The following FAT1 variants were observed in gnomAD, a reference collection of about 807,000 sequenced individuals.
FAT1 encodes FAT atypical cadherin 1.
A neutral mutation model predicts 329.8 loss-of-function variants in FAT1; 171 were observed. The observed-to-expected ratio is 0.52, with a 90% confidence interval of 0.46 to 0.59. The LOEUF is 0.59. Ranked by LOEUF, FAT1 falls within the 20% of genes least tolerant of loss-of-function variation. The pLI is 0.00. For missense variants in FAT1, 5,672 were observed against 5,774.4 expected (o/e 0.98, Z 0.57); for synonymous variants, 2,233 against 2,228.6 (o/e 1.00, Z -0.06).
intron 3 of FAT1, among the ~76,000 whole-genome samples, chr4:186,657,085 C>T (rs888609679): frequency 7.2e-5 from 11 of 152,108 alleles, no homozygotes; most frequent in Admixed American, 7.2e-4. Flanking sequence ...CCCACGATCG[C>T]AGCAGCTTTC....
At chr4:186,648,232 C>T (rs1251927628) in intron 3 of FAT1, among the ~76,000 whole-genome samples, 1 of 149,480 alleles carries the variant, frequency 6.7e-6, no homozygotes, top group Non-Finnish European at 1.5e-5. Flanking sequence ...TTATACACTA[C>T]TTTATTGTGG....
chr4:186,640,916 T>C (rs1741061519), intron 3 of FAT1, among the ~76,000 whole-genome samples: 1 of 152,230 alleles, frequency 6.6e-6, no homozygotes, highest in South Asian at 2.1e-4. Context: ...GTGGAGCCTG[T>C]GTGGCAGGAC....
intron 1 of FAT1, among the ~76,000 whole-genome samples, chr4:186,717,026 C>A (rs563197236): frequency 6.6e-6 from 1 of 152,206 alleles, no homozygotes; most frequent in African/African-American, 2.4e-5. Context: ...CTCAGCCTCC[C>A]AAAGTGCTGG....
rs1744754976 is a variant in FAT1 at position 186,708,358 on chromosome 4, A to T, written c.1470T>A (p.Pro490=). The change falls in exon 2 of 27, where the codon CCT becomes CCA. Residue 490 remains proline (P), a synonymous_variant. Transcript: ENST00000441802. The stretch of plus-strand genomic sequence containing the variant: ...TCACGTACCCGTTCTCACCCTCATC[A>T]GGGTCTACGGCACTCAGGCTCATGA... ...TTVMSLSAVD[P]DEGENGYVTY... 6.2e-7 allele frequency: 1 copy of T among 1,613,882 alleles called. No homozygotes were observed. The highest frequency in any genetic ancestry group is 8.5e-7 in the Non-Finnish European group (1 of 1,179,842).
chr4:186,636,290 G>A lies in FAT1; in HGVS notation c.3973-55C>T, dbSNP rs577283504. ...ACAGCAAATCAGGAGTTACAACCCA[G>A]AAATGAATGAAGCACAGACTGGTTT... On this transcript the variant is annotated intron_variant, in intron 5 of 26. Coordinates refer to ENST00000441802, the MANE Select transcript of FAT1 (RefSeq NM_005245.4). The A allele has an allele frequency of 2.7e-6, 4 of 1,493,116 alleles. No individual in the cohort carries two copies. The African/African-American group carries it at 5.5e-5, about 21-fold the overall frequency. The allele number at this position is 1,493,116 out of a possible 1,614,324, so 92.5% of individuals were successfully genotyped here.
intron 1 of FAT1, among the ~76,000 whole-genome samples, chr4:186,712,517 G>A (rs898230591): frequency 6.6e-6 from 1 of 152,172 alleles, no homozygotes; most frequent in Non-Finnish European, 1.5e-5. Context: ...TTACCAACAA[G>A]TCCTGATGGA....
intron 6 of FAT1, among the ~76,000 whole-genome samples, chr4:186,634,611 G>T (rs371995753): frequency 6.9e-6 from 1 of 145,690 alleles, no homozygotes; most frequent in African/African-American, 2.5e-5. Flanking sequence ...CGCACACTAT[G>T]AAAAAAAAAA....
intron 19 of FAT1, 55 bp from the exon 20 acceptor site, chr4:186,603,089 A>G (rs1738897495): frequency 6.2e-7 from 1 of 1,611,674 alleles, no homozygotes; most frequent in Non-Finnish European, 8.5e-7. Context: ...TTTCAAGAAC[A>G]TCACCTTTCA....
Position 186,621,787 on chromosome 4 carries a change from G to C in FAT1, c.4811-12C>G, listed in dbSNP as rs1306178567. ...ATTTCCAATATTTCCTGGAAGGAGA[G>C]GAAAAAATACATGTTACAGAAAAAC... On this transcript the variant is annotated splice_polypyrimidine_tract_variant and intron_variant, in intron 9 of 26. Transcript: ENST00000441802. 6.6e-7 allele frequency: 1 copy of C among 1,506,342 alleles called. No homozygotes were observed. Among genetic ancestry groups the C allele is most frequent in the South Asian group, 1.3e-5 (1 of 77,686 alleles). The allele number at this position is 1,506,342 out of a possible 1,614,324, so 93.3% of individuals were successfully genotyped here.
chr4:186,613,182 A>C lies in FAT1; in HGVS notation c.9390T>G (p.Tyr3130Ter). The change falls in exon 13 of 27, where the codon TAT becomes TAG. Residue 3130 changes from tyrosine to a stop codon, truncating the protein, a stop_gained. Coordinates refer to ENST00000441802, the MANE Select transcript of FAT1 (RefSeq NM_005245.4). LOFTEE classifies it high-confidence loss of function. ...DNAPEFSADP[Y>*]AITVFENTEP... ...CTGTGTTTTCAAACACGGTGATGGC[A>C]TAAGGATCGGCAGAGAATTCGGGGG... 6.2e-7 allele frequency: 1 copy of C among 1,613,918 alleles called. No homozygotes were observed. The highest frequency in any genetic ancestry group is 8.5e-7 in the Non-Finnish European group (1 of 1,179,866).
chr4:186,666,580 G>C (rs903133619), intron 2 of FAT1, among the ~76,000 whole-genome samples: 2 of 152,192 alleles, frequency 1.3e-5, no homozygotes, highest in Non-Finnish European at 1.5e-5. Context: ...AGACAGGTAC[G>C]TGGTGCTTTT....
chr4:186,691,823 A>G (rs1009886240), intron 2 of FAT1, among the ~76,000 whole-genome samples: 1 of 152,102 alleles, frequency 6.6e-6, no homozygotes. Flanking sequence ...ACAAAATAAA[A>G]TATTAAAAAA....
intron 2 of FAT1, among the ~76,000 whole-genome samples, chr4:186,701,900 G>A (rs1378168069): frequency 1.3e-5 from 2 of 152,244 alleles, no homozygotes; most frequent in African/African-American, 4.8e-5. Context: ...ATTCCGTTCC[G>A]TTCCCACTGT....
intron 3 of FAT1, among the ~76,000 whole-genome samples, chr4:186,651,257 C>T (rs1350748404): frequency 6.6e-6 from 1 of 151,924 alleles, no homozygotes; most frequent in Non-Finnish European, 1.5e-5. Context: ...GTAAACATGT[C>T]ATCCATGGAA....
intron 2 of FAT1, among the ~76,000 whole-genome samples, chr4:186,702,548 A>G (rs1405307792): frequency 2.0e-5 from 3 of 152,208 alleles, no homozygotes; most frequent in Non-Finnish European, 4.4e-5. Context: ...CCTCAACCCA[A>G]CACTGCTTCA....
rs55969318 is a variant in FAT1 at position 186,688,644 on chromosome 4, A to AC, written c.3265+17918dup. On this transcript the variant is annotated intron_variant, in intron 2 of 26. Coordinates refer to ENST00000441802, the MANE Select transcript of FAT1 (RefSeq NM_005245.4). ...CAATGATGGTTCACCCAGCAAGAGT[A>AC]CCCCCCCCGCCCCCCCCCAAAAAAA... Among the ~76,000 whole-genome samples the AC allele has an allele frequency of 2.2e-3, 267 of 123,512 alleles. 1 individual carries two copies. Among genetic ancestry groups the AC allele is most frequent in the East Asian group, 8.9e-3 (30 of 3,380 alleles). The allele number at this position is 123,512 out of a possible 152,430, so 81.0% of individuals were successfully genotyped here.
At chr4:186,627,572 A>G (rs895530582) in intron 9 of FAT1, among the ~76,000 whole-genome samples, 5 of 152,012 alleles carry the variant, frequency 3.3e-5, no homozygotes, top group African/African-American at 1.2e-4. Flanking sequence ...AGCAGGCCCC[A>G]GCTCTGGGGT....
chr4:186,655,993 G>A (rs1250798581), intron 3 of FAT1, among the ~76,000 whole-genome samples: 2 of 152,262 alleles, frequency 1.3e-5, no homozygotes, highest in African/African-American at 4.8e-5. Context: ...TTCCCCAAGA[G>A]GAGGCCATAC....
intron 3 of FAT1, among the ~76,000 whole-genome samples, chr4:186,645,945 CAAAAA>C (rs773581100): frequency 5.2e-5 from 3 of 58,208 alleles, no homozygotes; most frequent in Non-Finnish European, 1.0e-4. Flanking sequence ...GACTGTCTCA[CAAAAA>C]AAAAAAAAAA....
Sources: allele counts gnomAD v4.1 joint callset (sites outside exome capture counted in the v4.1 genomes callset), GRCh38; gene constraint gnomAD v4.1.1; transcripts MANE v1.5; gene names NCBI Gene and HGNC (gene_info 2026-07-23, HGNC 2026-07-21).